TTC27: variants seen among roughly 807,000 people sequenced by gnomAD.
The protein encoded by TTC27 is tetratricopeptide repeat protein 27.
TTC27 carries 79 observed loss-of-function variants against 115.9 expected under a neutral mutation model. The observed-to-expected ratio is 0.68, with a 90% CI of 0.57 to 0.82. The LOEUF (loss-of-function observed/expected upper bound fraction) is 0.82, where lower values mean the gene tolerates loss of function less well. Ranked by LOEUF, TTC27 falls within the 40% of genes least tolerant of loss-of-function variation. The pLI is 0.00. For missense variants in TTC27, 1,054 were observed against 993.1 expected, an observed-to-expected ratio of 1.06 and a Z score of -0.82; for synonymous variants, 401 against 356.0, an observed-to-expected ratio of 1.13 and a Z score of -1.42.
chr2:32,704,007 T>A (rs930978673), intron 10 of TTC27, among the ~76,000 whole-genome samples: 2 of 152,026 alleles, frequency 1.3e-5, no homozygotes, highest in African/African-American at 4.8e-5. Context: ...TGGAAGAGAG[T>A]GAACCCATCC....
At chr2:32,641,164 T>C (rs917346303) in intron 4 of TTC27, among the ~76,000 whole-genome samples, 12 of 152,310 alleles carry the variant, frequency 7.9e-5, no homozygotes, top group African/African-American at 2.6e-4. Context: ...AGTAAAGCAT[T>C]TGTTAAATAT....
At chr2:32,754,773 C>T (rs1315141926) in intron 12 of TTC27, among the ~76,000 whole-genome samples, 1 of 143,982 alleles carries the variant, frequency 6.9e-6, no homozygotes, top group Non-Finnish European at 1.5e-5. Flanking sequence ...CGGGCGGGGG[C>T]TGACCTCCCC....
At chr2:32,689,961 A>G (rs1666757008) in intron 9 of TTC27, among the ~76,000 whole-genome samples, 1 of 152,190 alleles carries the variant, frequency 6.6e-6, no homozygotes, top group South Asian at 2.1e-4. Flanking sequence ...TATATCTGGT[A>G]TGGAAGGTAA....
At chr2:32,723,971 C>CTTGTTTTTTTTTTTTTTTTTTTTT (rs1668026091) in intron 10 of TTC27, among the ~76,000 whole-genome samples, 1 of 92,436 alleles carries the variant, frequency 1.1e-5, no homozygotes, top group Non-Finnish European at 2.2e-5. Context: ...CATACATAAG[C>CTTGTTTTTTTTTTTTTTTTTTTTT]TTTTTTTTTT....
Position 32,630,500 on chromosome 2 carries a change from C to T in TTC27, c.89-23C>T, listed in dbSNP as rs374819687. ...TGAAAAATAATTTTTTTTGGATTAC[C>T]GCACTAATTTTTTATATTACAGAGA... On this transcript the variant is annotated intron_variant, in intron 1 of 19. Transcript: ENST00000317907. 283 of 1,553,756 alleles carry T rather than the reference C, an allele frequency of 1.8e-4. 1 individual carries two copies. In the South Asian group the frequency reaches 2.8e-3, roughly 16 times the overall value.
At chr2:32,646,929 C>G (rs865935833) in intron 4 of TTC27, among the ~76,000 whole-genome samples, 5 of 149,592 alleles carry the variant, frequency 3.3e-5, no homozygotes, top group African/African-American at 1.2e-4. Context: ...ATTTATAGAT[C>G]TGATTTTTGA....
At chr2:32,678,021 C>G in intron 8 of TTC27, among the ~76,000 whole-genome samples, 1 of 152,136 alleles carries the variant, frequency 6.6e-6, no homozygotes, top group East Asian at 1.9e-4. Context: ...CATTGGGAAT[C>G]TGCGGTGGGC....
At chr2:32,701,570 G>C (rs1667184946) in intron 9 of TTC27, among the ~76,000 whole-genome samples, 3 of 152,018 alleles carry the variant, frequency 2.0e-5, no homozygotes, top group African/African-American at 7.3e-5. Flanking sequence ...AGAGTTAGTT[G>C]GTCTAGATTA....
At chr2:32,646,132 G>A (rs567667354) in intron 4 of TTC27, among the ~76,000 whole-genome samples, 19 of 151,904 alleles carry the variant, frequency 1.3e-4, no homozygotes, top group Middle Eastern at 6.8e-3. Flanking sequence ...GGGTTCACGC[G>A]ATTCTCCTGC....
chr2:32,676,038 C>T (rs1572504656), intron 8 of TTC27, among the ~76,000 whole-genome samples: 1 of 151,954 alleles, frequency 6.6e-6, no homozygotes, highest in Non-Finnish European at 1.5e-5. Flanking sequence ...GTGATCTACC[C>T]GCCTCAGCCT....
intron 5 of TTC27, among the ~76,000 whole-genome samples, chr2:32,660,851 T>C (rs1252746704): frequency 1.3e-5 from 2 of 152,204 alleles, no homozygotes; most frequent in African/African-American, 2.4e-5. Context: ...CCCATGCCTA[T>C]GTCCTGAATG....
intron 9 of TTC27, among the ~76,000 whole-genome samples, chr2:32,681,133 C>T (rs1468221352): frequency 1.3e-5 from 2 of 152,158 alleles, no homozygotes; most frequent in African/African-American, 4.8e-5. Flanking sequence ...TGGAGGAAAG[C>T]TGTTTGATTA....
At chr2:32,677,046 C>G (rs906884593) in intron 8 of TTC27, among the ~76,000 whole-genome samples, 2 of 151,798 alleles carry the variant, frequency 1.3e-5, no homozygotes, top group Non-Finnish European at 2.9e-5. Context: ...CATTTTCTTG[C>G]CTTTTAAAAA....
chr2:32,631,613 A>G (rs1664215560), intron 2 of TTC27, among the ~76,000 whole-genome samples: 2 of 152,242 alleles, frequency 1.3e-5, no homozygotes, highest in South Asian at 2.1e-4. Flanking sequence ...AGCTTTAATT[A>G]TCTTATAAAT....
At chr2:32,761,845 A>G in intron 13 of TTC27, among the ~76,000 whole-genome samples, 1 of 152,220 alleles carries the variant, frequency 6.6e-6, no homozygotes, top group Non-Finnish European at 1.5e-5. Context: ...AAGGCCTATT[A>G]AAGTGCCTTG....
At chr2:32,792,729 T>C (rs903753144) in intron 16 of TTC27, among the ~76,000 whole-genome samples, 9 of 152,318 alleles carry the variant, frequency 5.9e-5, no homozygotes, top group Middle Eastern at 3.4e-3. Context: ...GTCCTATTCC[T>C]TCCTGCTTTG....
At chr2:32,796,156 C>G (rs1193709300) in intron 16 of TTC27, among the ~76,000 whole-genome samples, 1 of 152,056 alleles carries the variant, frequency 6.6e-6, no homozygotes, top group Non-Finnish European at 1.5e-5. Flanking sequence ...CATTTCTGTA[C>G]ACTAACAGTG....
rs142030247 is a variant in TTC27 at position 32,682,844 on chromosome 2, G to GTTTTTTTTTTTTTTT, written c.1119+3924_1119+3925insTTTTTTTTTTTTTTT. On this transcript the variant is annotated intron_variant, in intron 9 of 19. Transcript: ENST00000317907. ...CCACCACACCCGGATAATTTTTATTGTTGTTTTTTTTTTTTTTTTTTTTTT... is the reference window on the plus strand; with the variant it reads ...CCACCACACCCGGATAATTTTTATTGTTTTTTTTTTTTTTTTTGTTTTTTTTTTTTTTTTTTTTTT... 2.0e-3 allele frequency among the ~76,000 whole-genome samples: 113 copies of GTTTTTTTTTTTTTTT among 56,956 alleles called. 28 individuals carry two copies. Among genetic ancestry groups the GTTTTTTTTTTTTTTT allele is most frequent in the South Asian group, 4.7e-3 (5 of 1,070 alleles). The allele number at this position is 56,956 out of a possible 152,430, so 37.4% of individuals were successfully genotyped here.
intron 14 of TTC27, among the ~76,000 whole-genome samples, chr2:32,782,077 A>G (rs1161154773): frequency 6.6e-6 from 1 of 152,208 alleles, no homozygotes; most frequent in Non-Finnish European, 1.5e-5. Flanking sequence ...GTTTGAATCA[A>G]CATTTGTATA....
Sources: allele counts gnomAD v4.1 joint callset (sites outside exome capture counted in the v4.1 genomes callset), GRCh38; gene constraint gnomAD v4.1.1; transcripts MANE v1.5; gene names NCBI Gene and HGNC (gene_info 2026-07-23, HGNC 2026-07-21).